DHRSX: variants seen among roughly 807,000 people sequenced by gnomAD.
DHRSX encodes the protein polyprenol dehydrogenase.
In DHRSX, 31 loss-of-function variants were observed where a neutral mutation model predicts 34.0. That is an observed-to-expected ratio of 0.91 (90% CI 0.69 to 1.23). The LOEUF is 1.23. Among genes scored for constraint, DHRSX ranks in the 50% most tolerant of loss-of-function variants. The pLI, the probability that DHRSX is intolerant of heterozygous loss-of-function variation, is 0.00. For synonymous variants in DHRSX, 201 were observed against 183.8 expected, an observed-to-expected ratio of 1.09 and a Z score of -0.76; for missense variants, 414 against 428.1, an observed-to-expected ratio of 0.97 and a Z score of 0.29.
At chrX:2,356,285 G>T (rs1235498585) in intron 3 of DHRSX, among the ~76,000 whole-genome samples, 1 of 152,080 alleles carries the variant, frequency 6.6e-6, no homozygotes, top group Non-Finnish European at 1.5e-5. Context: ...TGAGGCAGGA[G>T]AATTGCTTCA....
chrX:2,485,604 G>A (rs1314429324), intron 1 of DHRSX, among the ~76,000 whole-genome samples: 1 of 127,228 alleles, frequency 7.9e-6, no homozygotes, highest in African/African-American at 3.0e-5. Context: ...GGGAGACAGG[G>A]AGGGACAGAG....
chrX:2,284,315 T>G (rs1409539969), intron 4 of DHRSX, among the ~76,000 whole-genome samples: 1 of 145,050 alleles, frequency 6.9e-6, no homozygotes, highest in East Asian at 1.9e-4. Flanking sequence ...TTCATTTGCA[T>G]TCATTCATTC....
At chrX:2,265,595 A>G (rs2041445445) in intron 5 of DHRSX, among the ~76,000 whole-genome samples, 9 of 132,660 alleles carry the variant, frequency 6.8e-5, no homozygotes, top group African/African-American at 1.4e-4. Context: ...CCAGAGCACC[A>G]GTGTACAGCA....
chrX:2,309,113 C>A lies in DHRSX; in HGVS notation c.287-17510G>T, dbSNP rs1466074166. The stretch of plus-strand genomic sequence containing the variant: ...CTCAGAGATACTAATTATCCCAATT[C>A]AATCAAGGAAATTAGGTCTAATCAG... On this transcript the variant is annotated intron_variant, in intron 3 of 6. Coordinates refer to ENST00000334651, the MANE Select transcript of DHRSX (RefSeq NM_145177.3). Among the ~76,000 whole-genome samples, 9 of 152,054 alleles carry A rather than the reference C, an allele frequency of 5.9e-5. No homozygotes were observed. The Middle Eastern group carries it at 0.01, about 172-fold the overall frequency.
At chrX:2,495,824 G>A (rs1303338287) in intron 1 of DHRSX, among the ~76,000 whole-genome samples, 2 of 152,066 alleles carry the variant, frequency 1.3e-5, no homozygotes, top group African/African-American at 2.4e-5. Flanking sequence ...GGGGGCCGGC[G>A]ATTTCACGTT....
At chrX:2,346,981 A>C (rs1380946658) in intron 3 of DHRSX, among the ~76,000 whole-genome samples, 1 of 152,114 alleles carries the variant, frequency 6.6e-6, no homozygotes, top group Non-Finnish European at 1.5e-5. Flanking sequence ...ACATGAACTC[A>C]TTCTTTTTTA....
At chrX:2,489,935 G>T (rs755770826) in intron 1 of DHRSX, 1 of 1,613,884 alleles carries the variant, frequency 6.2e-7, no homozygotes, top group South Asian at 1.1e-5. Flanking sequence ...GAAGACCTTG[G>T]CGCTGATGCC....
At chrX:2,227,299 AAGAC>A (rs781776817) in intron 6 of DHRSX, among the ~76,000 whole-genome samples, 73 of 152,066 alleles carry the variant, frequency 4.8e-4, no homozygotes, top group African/African-American at 1.5e-3. Context: ...GGGAAGGAGA[AAGAC>A]AGAGAAACAA....
intron 3 of DHRSX, among the ~76,000 whole-genome samples, chrX:2,311,382 C>T (rs1208651134): frequency 1.3e-5 from 2 of 152,106 alleles, no homozygotes; most frequent in South Asian, 2.1e-4. Context: ...TACATCACTA[C>T]GAGAGAACTC....
chrX:2,477,371 G>A (rs900283391), intron 1 of DHRSX, among the ~76,000 whole-genome samples: 16 of 152,158 alleles, frequency 1.1e-4, no homozygotes, highest in African/African-American at 3.1e-4. Flanking sequence ...CTCGCCACAC[G>A]GGTGACCCCA....
intron 1 of DHRSX, among the ~76,000 whole-genome samples, chrX:2,498,340 C>T (rs1474561840): frequency 2.6e-5 from 4 of 152,230 alleles, no homozygotes; most frequent in South Asian, 4.1e-4. Flanking sequence ...AATGTTTCCT[C>T]ACCAACAGCG....
intron 6 of DHRSX, among the ~76,000 whole-genome samples, chrX:2,235,388 G>A (rs1291622016): frequency 1.3e-5 from 2 of 152,166 alleles, no homozygotes; most frequent in Admixed American, 6.6e-5. Context: ...GCTGTGCAAT[G>A]TCTCCATGCA....
At chrX:2,344,829 G>A (rs1465357795) in intron 3 of DHRSX, among the ~76,000 whole-genome samples, 7 of 135,594 alleles carry the variant, frequency 5.2e-5, no homozygotes, top group African/African-American at 1.1e-4. Flanking sequence ...AAACCTGCAC[G>A]TTCTGCACAT....
At chrX:2,357,354 GA>G (rs890396572) in intron 3 of DHRSX, among the ~76,000 whole-genome samples, 6 of 148,306 alleles carry the variant, frequency 4.0e-5, no homozygotes, top group South Asian at 2.1e-4. Context: ...TTCGTGCAAA[GA>G]AAAAAAAAAT....
intron 3 of DHRSX, among the ~76,000 whole-genome samples, chrX:2,372,684 C>G (rs1393439213): frequency 6.6e-6 from 1 of 151,662 alleles, no homozygotes; most frequent in Non-Finnish European, 1.5e-5. Flanking sequence ...CCTCGGCTCA[C>G]TGCAACCTCC....
At chrX:2,307,795 A>AT (rs202018626) in intron 3 of DHRSX, among the ~76,000 whole-genome samples, 2,589 of 147,852 alleles carry the variant, frequency 0.018, 37 homozygotes, top group Non-Finnish European at 0.03. Context: ...AAAATAAAAA[A>AT]AATAAAATAA....
intron 5 of DHRSX, 47 bp from the exon 6 acceptor site, chrX:2,243,277 C>T (rs751039676): frequency 1.2e-5 from 18 of 1,549,614 alleles, no homozygotes; most frequent in Non-Finnish European, 1.3e-5. Context: ...GGCGTTCACG[C>T]CTAAGTGCTT....
chrX:2,231,738 TTCC>T (rs2015890562), intron 6 of DHRSX, among the ~76,000 whole-genome samples: 1 of 151,052 alleles, frequency 6.6e-6, no homozygotes, highest in Non-Finnish European at 1.5e-5. Context: ...TCTTCTCTTC[TTCC>T]TCCTCCACCT....
chrX:2,456,409 T>A (rs6641739), intron 1 of DHRSX, among the ~76,000 whole-genome samples: 1 of 150,030 alleles, frequency 6.7e-6, no homozygotes, highest in South Asian at 2.1e-4. Flanking sequence ...AGGTCAGGAG[T>A]TCAAGACCAG....
Sources: allele counts gnomAD v4.1 joint callset (sites outside exome capture counted in the v4.1 genomes callset), GRCh38; gene constraint gnomAD v4.1.1; transcripts MANE v1.5; gene names NCBI Gene and HGNC (gene_info 2026-07-23, HGNC 2026-07-21).